The following ARHGAP24 variants were observed in gnomAD, a reference collection of about 807,000 sequenced individuals.
The protein encoded by ARHGAP24 is Rho GTPase activating protein 24.
ARHGAP24 carries 50 observed loss-of-function variants against 76.4 expected under a neutral mutation model. That is an observed-to-expected ratio of 0.65 (90% confidence interval 0.52 to 0.83). The LOEUF is 0.83. Among genes scored for constraint, ARHGAP24 ranks in the 40% least tolerant of loss-of-function variants. The pLI is 0.00. For synonymous variants in ARHGAP24, 345 were observed against 323.3 expected, an observed-to-expected ratio of 1.07 and a Z score of -0.72; for missense variants, 930 against 914.2, an observed-to-expected ratio of 1.02 and a Z score of -0.22.
intron 2 of ARHGAP24, among the ~76,000 whole-genome samples, chr4:85,637,747 T>C (rs1447348866): frequency 6.6e-6 from 1 of 152,084 alleles, no homozygotes; most frequent in Non-Finnish European, 1.5e-5. Flanking sequence ...TAATTTCACT[T>C]TTTTTTACTC....
intron 4 of ARHGAP24, chr4:85,931,169 A>T (rs1241612393): frequency 1.1e-6 from 1 of 918,034 alleles, no homozygotes; most frequent in Non-Finnish European, 1.6e-6. Flanking sequence ...TACAAGAGTG[A>T]TTTGTGCGTA....
chr4:85,481,883 G>A (rs141840285), intron 1 of ARHGAP24, among the ~76,000 whole-genome samples: 133 of 152,276 alleles, frequency 8.7e-4, no homozygotes, highest in African/African-American at 2.8e-3. Flanking sequence ...CACTGGGCAC[G>A]CAGAAGTAAA....
intron 3 of ARHGAP24, among the ~76,000 whole-genome samples, chr4:85,724,978 G>T (rs547785793): frequency 6.6e-6 from 1 of 152,302 alleles, no homozygotes; most frequent in Non-Finnish European, 1.5e-5. Context: ...GAGAAAGAAA[G>T]ATTGGCAAAT....
At chr4:85,529,107 T>C (rs542917960) in intron 1 of ARHGAP24, among the ~76,000 whole-genome samples, 1 of 152,114 alleles carries the variant, frequency 6.6e-6, no homozygotes, top group Admixed American at 6.6e-5. Context: ...TACATCAGAG[T>C]ACAAATATTT....
At chr4:85,749,182 C>T (rs1265640183) in intron 3 of ARHGAP24, among the ~76,000 whole-genome samples, 2 of 152,146 alleles carry the variant, frequency 1.3e-5, no homozygotes, top group Admixed American at 1.3e-4. Context: ...GTCTTTTTCT[C>T]ATTTGCCGAA....
At chr4:85,888,829 T>C (rs1733721458) in intron 3 of ARHGAP24, among the ~76,000 whole-genome samples, 1 of 152,144 alleles carries the variant, frequency 6.6e-6, no homozygotes, top group African/African-American at 2.4e-5. Context: ...TACGTGTCCA[T>C]GTGTTCTCAT....
intron 8 of ARHGAP24, among the ~76,000 whole-genome samples, chr4:85,984,257 A>G (rs1185236726): frequency 1.3e-5 from 2 of 152,204 alleles, no homozygotes; most frequent in African/African-American, 2.4e-5. Flanking sequence ...TGAGTGTCTT[A>G]GTCCACTGGA....
At chr4:85,937,024 A>G (rs1736676397) in intron 4 of ARHGAP24, among the ~76,000 whole-genome samples, 2 of 152,314 alleles carry the variant, frequency 1.3e-5, no homozygotes, top group African/African-American at 4.8e-5. Context: ...TTTTATAAAA[A>G]GGAATGTGGT....
At chr4:85,574,816 G>A (rs1251593221) in intron 2 of ARHGAP24, among the ~76,000 whole-genome samples, 1 of 152,138 alleles carries the variant, frequency 6.6e-6, no homozygotes, top group Non-Finnish European at 1.5e-5. Context: ...AGTGCATTAT[G>A]TACTTAAATA....
chr4:85,989,168 A>T (rs1740175842), intron 8 of ARHGAP24, among the ~76,000 whole-genome samples: 1 of 151,658 alleles, frequency 6.6e-6, no homozygotes, highest in Non-Finnish European at 1.5e-5. Context: ...CAGAAAAGAA[A>T]AAACAATGTT....
chr4:85,487,967 G>A (rs1388313287), intron 1 of ARHGAP24, among the ~76,000 whole-genome samples: 2 of 145,500 alleles, frequency 1.4e-5, no homozygotes, highest in East Asian at 2.0e-4. Flanking sequence ...GTGCAGTGGC[G>A]TGATCTCGGC....
At chr4:85,637,030 G>C (rs1721332252) in intron 2 of ARHGAP24, among the ~76,000 whole-genome samples, 1 of 152,052 alleles carries the variant, frequency 6.6e-6, no homozygotes, top group African/African-American at 2.4e-5. Context: ...TTCCTGCATA[G>C]TTAGATGTGT....
At chr4:85,939,751 T>A (rs1736849599) in intron 4 of ARHGAP24, among the ~76,000 whole-genome samples, 1 of 152,190 alleles carries the variant, frequency 6.6e-6, no homozygotes, top group African/African-American at 2.4e-5. Context: ...TGACTGTTTT[T>A]CATTACCGTA....
intron 3 of ARHGAP24, among the ~76,000 whole-genome samples, chr4:85,826,420 C>T (rs887169561): frequency 3.3e-5 from 5 of 152,150 alleles, no homozygotes; most frequent in Admixed American, 3.3e-4. Context: ...AGACGGGGCT[C>T]ATGCTGCTCA....
At chr4:85,548,972 C>T (rs892459311) in intron 1 of ARHGAP24, among the ~76,000 whole-genome samples, 1 of 152,018 alleles carries the variant, frequency 6.6e-6, no homozygotes, top group Admixed American at 6.5e-5. Context: ...TGGATTTATA[C>T]ATGTTGTTAT....
chr4:85,690,682 G>A (rs1221947504), intron 2 of ARHGAP24, among the ~76,000 whole-genome samples: 3 of 141,154 alleles, frequency 2.1e-5, no homozygotes, highest in East Asian at 2.0e-4. Context: ...TTCTAATTTT[G>A]TTTGGGTGTT....
chr4:85,566,827 T>C (rs1726869821), intron 1 of ARHGAP24, among the ~76,000 whole-genome samples: 1 of 152,204 alleles, frequency 6.6e-6, no homozygotes, highest in South Asian at 2.1e-4. Flanking sequence ...AGAAAGAGGT[T>C]ACCTGATTCA....
At chr4:85,862,756 C>T (rs957208420) in intron 3 of ARHGAP24, among the ~76,000 whole-genome samples, 1 of 152,122 alleles carries the variant, frequency 6.6e-6, no homozygotes, top group Non-Finnish European at 1.5e-5. Flanking sequence ...TAAATGGCAA[C>T]ACCATCCAAT....
chr4:85,863,796 A>G (rs1732035029), intron 3 of ARHGAP24, among the ~76,000 whole-genome samples: 2 of 152,064 alleles, frequency 1.3e-5, no homozygotes, highest in Non-Finnish European at 2.9e-5. Context: ...AAAATTTAGA[A>G]CATGGACACA....
Sources: allele counts gnomAD v4.1 joint callset (sites outside exome capture counted in the v4.1 genomes callset), GRCh38; gene constraint gnomAD v4.1.1; transcripts MANE v1.5; gene names NCBI Gene and HGNC (gene_info 2026-07-23, HGNC 2026-07-21).